The following DOHH variants were observed in gnomAD, a reference collection of about 807,000 sequenced individuals.
DOHH encodes the protein deoxyhypusine hydroxylase.
A neutral mutation model predicts 19.9 loss-of-function variants in DOHH; 16 were observed. That is an observed-to-expected ratio of 0.80 (90% confidence interval 0.54 to 1.22). The LOEUF (loss-of-function observed/expected upper bound fraction) is 1.22. Among genes scored for constraint, DOHH ranks in the 50% most tolerant of loss-of-function variants. DOHH has a pLI of 0.00. For synonymous variants in DOHH, 233 were observed against 217.0 expected (o/e 1.07, Z -0.65); for missense variants, 460 against 460.6 (o/e 1.00, Z 0.01).
chr19:3,492,349 C>T lies in DOHH; in HGVS notation c.502G>A (p.Glu168Lys), dbSNP rs536165069. The change falls in exon 4 of 5, where the codon GAG becomes AAG. Residue 168 changes from glutamate to lysine, a missense_variant. Physicochemically the swap from Glu to Lys is moderately conservative, Grantham distance 56. Coordinates refer to ENST00000427575, the MANE Select transcript of DOHH (RefSeq NM_001145165.2). Reference protein sequence around the residue: ...VGRLREALLDESRPLFERYRA... With the variant: ...VGRLREALLDKSRPLFERYRA... ...TATCGCTCGAAGAGCGGCCGGGACTCATCCAGCAGCGCCTCCCGCAGGCGC... is the reference window on the plus strand; with the variant it reads ...TATCGCTCGAAGAGCGGCCGGGACTTATCCAGCAGCGCCTCCCGCAGGCGC... 26 of 1,543,546 alleles carry T rather than the reference C, an allele frequency of 1.7e-5. 1 individual carries two copies. In the South Asian group the frequency reaches 2.4e-4, roughly 14 times the overall value.
In DOHH at chr19:3,490,992, A is replaced by C. The variant is rs924046684; in HGVS notation, c.*500T>G. The C allele has an allele frequency of 4.2e-5, 8 of 189,424 alleles. No homozygotes were observed. Among genetic ancestry groups the C allele is most frequent in the Non-Finnish European group, 7.6e-5 (7 of 92,654 alleles). The allele number at this position is 189,424 out of a possible 1,614,324, so 11.7% of individuals were successfully genotyped here. A position where few individuals can be genotyped will look rare whatever the true frequency, so the allele number is the denominator to read the frequency against. ...CAGACCCTGTGTCCCATTCCTAGTG[A>C]AGCTGAAGCCACCATAACGTCAGCC... On this transcript the variant is annotated 3_prime_UTR_variant, in exon 5 of 5. Transcript: ENST00000427575.
At position 3,491,379 on chromosome 19, in the gene DOHH, G is replaced by T; in HGVS notation, c.*113C>A. The T allele has an allele frequency of 1.7e-6, 2 of 1,182,606 alleles. No homozygotes were observed. Among genetic ancestry groups the T allele is most frequent in the Non-Finnish European group, 2.3e-6 (2 of 854,988 alleles). The allele number at this position is 1,182,606 out of a possible 1,614,324, so 73.3% of individuals were successfully genotyped here. On this transcript the variant is annotated 3_prime_UTR_variant, in exon 5 of 5. Transcript: ENST00000427575. The surrounding 1 kb of genome is among the most constrained non-coding windows in gnomAD (Gnocchi z 5.6). Reference sequence around the variant, plus strand: ...GAGGGGGACAGCAACCATGCGCCCAGCAAGACACAAGCGATGACACCGATT... The same window carrying T: ...GAGGGGGACAGCAACCATGCGCCCATCAAGACACAAGCGATGACACCGATT...
intron 2 of DOHH, among the ~76,000 whole-genome samples, chr19:3,495,080 C>T (rs1042249554): frequency 2.0e-5 from 3 of 151,980 alleles, no homozygotes; most frequent in Non-Finnish European, 4.4e-5. Flanking sequence ...TCAAGTGATT[C>T]TCCTGCCTCA....
At chr19:3,495,488 T>C (rs977822824) in intron 2 of DOHH, among the ~76,000 whole-genome samples, 2 of 152,234 alleles carry the variant, frequency 1.3e-5, no homozygotes, top group African/African-American at 4.8e-5. Context: ...TGACAGAGCC[T>C]GGCATACAGT....
chr19:3,491,682 T>A lies in DOHH; in HGVS notation c.719A>T (p.His240Leu). 1 of 1,532,792 alleles carries A rather than the reference T, an allele frequency of 6.5e-7. No homozygotes were observed. Among genetic ancestry groups the A allele is most frequent in the Non-Finnish European group, 8.7e-7 (1 of 1,142,960 alleles). 94.9% of individuals were successfully genotyped at this position (1,532,792 alleles called of 1,614,324 possible). ...ARCTENPMVRHECAEALGAIA... is the reference protein window; with the variant it reads ...ARCTENPMVRLECAEALGAIA... ...GGCGCCCAGGGCCTCCGCGCACTCG[T>A]GCCGCACCATGGGGTTCTCGGTGCA... Residue 240 changes from histidine (H) to leucine (L), a missense_variant, in exon 5 of 5, where the codon CAC becomes CTC. By Grantham distance (99) the His-to-Leu change is moderately conservative. Coordinates refer to ENST00000427575, the MANE Select transcript of DOHH (RefSeq NM_001145165.2). The surrounding 1 kb of genome is among the most constrained non-coding windows in gnomAD (Gnocchi z 5.6).
chr19:3,495,264 A>T (rs1250828193), intron 2 of DOHH, among the ~76,000 whole-genome samples: 3 of 152,152 alleles, frequency 2.0e-5, no homozygotes, highest in Non-Finnish European at 4.4e-5. Flanking sequence ...GGCGTGAGCC[A>T]ATGCACCCGA....
chr19:3,491,314 G>T lies in DOHH; in HGVS notation c.*178C>A, dbSNP rs897528044. 2 of 666,036 alleles carry T rather than the reference G, an allele frequency of 3.0e-6. No homozygotes were observed. The highest frequency in any genetic ancestry group is 3.0e-5 in the Admixed American group (1 of 32,798). The allele number at this position is 666,036 out of a possible 1,614,324, so 41.3% of individuals were successfully genotyped here. ...CCGAGGAGCAGTCAGGGGACTCAGG[G>T]AGTCACAGCACAACGGCAGCTCCTC... On this transcript the variant is annotated 3_prime_UTR_variant, in exon 5 of 5. Transcript: ENST00000427575. The surrounding 1 kb of genome is among the most constrained non-coding windows in gnomAD (Gnocchi z 5.6).
Position 3,491,615 on chromosome 19 carries a change from C to A in DOHH, c.786G>T (p.Ala262=). Residue 262 remains alanine (A), a synonymous_variant, in exon 5 of 5, where the codon GCG becomes GCT. Coordinates refer to ENST00000427575, the MANE Select transcript of DOHH (RefSeq NM_001145165.2). The surrounding 1 kb of genome is among the most constrained non-coding windows in gnomAD (Gnocchi z 5.6). ...CACGCACCACGCGCTCTGGGTCGTC[C>A]GCGTGAGCCTGCAGCGCGGCCAGGC... is the stretch of plus-strand genomic sequence containing the variant. ...PACLAALQAH[A]DDPERVVRES... 6.5e-7 allele frequency: 1 copy of A among 1,535,556 alleles called. No homozygotes were observed. Among genetic ancestry groups the A allele is most frequent in the East Asian group, 2.4e-5 (1 of 40,848 alleles).
rs144084448 is a variant in DOHH, at chr19:3,492,762, G to A, written c.352-263C>T. ...GGGAGGGAATCAGGTGGAGACCCGGGGATGGGGAAGCAGCGGTGGAAAGGC... is the reference window on the plus strand; with the variant it reads ...GGGAGGGAATCAGGTGGAGACCCGGAGATGGGGAAGCAGCGGTGGAAAGGC... On this transcript the variant is annotated intron_variant, in intron 3 of 4. Coordinates refer to ENST00000427575, the MANE Select transcript of DOHH (RefSeq NM_001145165.2). Among the ~76,000 whole-genome samples, 229 of 152,302 alleles carry A rather than the reference G, an allele frequency of 1.5e-3. 2 individuals are homozygous for A. Among genetic ancestry groups the A allele is most frequent in the African/African-American group, 5.3e-3 (221 of 41,574 alleles).
chr19:3,493,992 C>T (rs763657849), intron 3 of DOHH, 36 bp downstream of exon 3: 4 of 1,598,668 alleles, frequency 2.5e-6, no homozygotes, highest in East Asian at 2.2e-5. Flanking sequence ...CCCAGGGACC[C>T]GAGACTGGCA....
rs1301961378 is a variant in DOHH, at chr19:3,491,966, G to A, written c.590-155C>T. Among the ~76,000 whole-genome samples, 1 of 152,158 alleles carries A rather than the reference G, an allele frequency of 6.6e-6. No individual in the cohort carries two copies. The highest frequency in any genetic ancestry group is 1.5e-5 in the Non-Finnish European group (1 of 68,010). ...CTCCCAAAGTGCTGGGACGACAGGC[G>A]TGAGCCACCACGCCCAACCTGGGGT... is the stretch of plus-strand genomic sequence containing the variant. On this transcript the variant is annotated intron_variant, in intron 4 of 4. Transcript: ENST00000427575. This position sits in a 1 kb window ranked among gnomAD's most constrained non-coding sequence, Gnocchi z 5.6.
chr19:3,491,509 G>A lies in DOHH; in HGVS notation c.892C>T (p.Arg298Cys), dbSNP rs1243430940. 2.0e-6 allele frequency: 3 copies of A among 1,534,486 alleles called. No homozygotes were observed. The highest frequency in any genetic ancestry group is 2.0e-5 in the Admixed American group (1 of 50,856). Residue 298 changes from arginine (R) to cysteine (C), a missense_variant, in exon 5 of 5, where the codon CGC (arginine) becomes TGC (cysteine). By Grantham distance (180) the Arg-to-Cys change is radical. Coordinates refer to ENST00000427575, the MANE Select transcript of DOHH (RefSeq NM_001145165.2). This position sits in a 1 kb window ranked among gnomAD's most constrained non-coding sequence, Gnocchi z 5.6. The part of the protein sequence containing the change: ...FQYADGLEQL[R>C]GAPS ...GTGGGGCCCTAGGAGGGGGCCCCGCGCAGCTGCTCCAGGCCGTCCGCGTAC... is the reference window on the plus strand; with the variant it reads ...GTGGGGCCCTAGGAGGGGGCCCCGCACAGCTGCTCCAGGCCGTCCGCGTAC...
chr19:3,492,545 C>T, intron 3 of DOHH, 46 bp from the exon 4 acceptor site: 1 of 1,330,018 alleles, frequency 7.5e-7, no homozygotes, highest in Non-Finnish European at 9.6e-7. Flanking sequence ...TGGGGGGTCG[C>T]AGGGGCCCTT....
At position 3,492,377 on chromosome 19, in the gene DOHH, C is replaced by A; in HGVS notation, c.474G>T (p.Val158=). ...DPAPPAEERD[V]GRLREALLDE... is the part of the protein sequence containing the mutation. The stretch of plus-strand genomic sequence containing the variant: ...CCAGCAGCGCCTCCCGCAGGCGCCC[C>A]ACGTCACGCTCCTCAGCCGGCGGGG... Residue 158 remains valine (V), a synonymous_variant, in exon 4 of 5, where the codon GTG becomes GTT. Transcript: ENST00000427575. 1 of 1,538,524 alleles carries A rather than the reference C, an allele frequency of 6.5e-7. No individual in the cohort carries two copies. Among genetic ancestry groups the A allele is most frequent in the Non-Finnish European group, 8.7e-7 (1 of 1,149,436 alleles).
chr19:3,495,547 A>G (rs1184753302), intron 2 of DOHH, among the ~76,000 whole-genome samples: 1 of 152,216 alleles, frequency 6.6e-6, no homozygotes, highest in East Asian at 1.9e-4. Context: ...TCTAATATAC[A>G]TTAGGGATTG....
rs1015003548 is a variant in DOHH at position 3,496,829 on chromosome 19, G to A, written c.-15C>T. ...TCCGTCACCATCGTGCTGTCAATGG[G>A]TCCCGGCCTTCCACAACCCTGCTCA... On this transcript the variant is annotated 5_prime_UTR_variant, in exon 2 of 5. Coordinates refer to ENST00000427575, the MANE Select transcript of DOHH (RefSeq NM_001145165.2). The surrounding 1 kb of genome is among the most constrained non-coding windows in gnomAD (Gnocchi z 4.8). The A allele has an allele frequency of 7.2e-5, 112 of 1,546,634 alleles. No homozygotes were observed. The highest frequency in any genetic ancestry group is 9.6e-5 in the Non-Finnish European group (110 of 1,149,208).
intron 2 of DOHH, among the ~76,000 whole-genome samples, chr19:3,495,429 A>T (rs1450423493): frequency 6.6e-6 from 1 of 152,222 alleles, no homozygotes; most frequent in Admixed American, 6.5e-5. Context: ...CGCGTGAGCC[A>T]CGATGCCCGG....
Position 3,496,728 on chromosome 19 carries a change from G to C in DOHH, c.87C>G (p.Phe29Leu), listed in dbSNP as rs775380231. The change falls in exon 2 of 5, where the codon TTC (phenylalanine) becomes TTG (leucine). Residue 29 changes from phenylalanine to leucine, a missense_variant. Transcript: ENST00000427575. This position sits in a 1 kb window ranked among gnomAD's most constrained non-coding sequence, Gnocchi z 4.8. ...QPLQARFRAL[F>L]TLRGLGGPGA... ...CTGGGCCGCCGAGCCCACGCAGCGT[G>C]AACAGCGCCCGGAAGCGGGCCTGCA... The C allele has an allele frequency of 6.2e-7, 1 of 1,612,638 alleles. No individual in the cohort carries two copies. The highest frequency in any genetic ancestry group is 1.3e-5 in the African/African-American group (1 of 74,954).
rs903836201 is a variant in DOHH, at chr19:3,492,360, G to A, written c.491C>T (p.Ala164Val). 10 of 1,542,126 alleles carry A rather than the reference G, an allele frequency of 6.5e-6. No individual in the cohort carries two copies. The highest frequency in any genetic ancestry group is 2.4e-5 in the South Asian group (2 of 84,212). Residue 164 changes from alanine to valine, a missense_variant, in exon 4 of 5, where the codon GCG (alanine) becomes GTG (valine). Coordinates refer to ENST00000427575, the MANE Select transcript of DOHH (RefSeq NM_001145165.2). The stretch of plus-strand genomic sequence containing the variant: ...GAGCGGCCGGGACTCATCCAGCAGC[G>A]CCTCCCGCAGGCGCCCCACGTCACG... ...EERDVGRLRE[A>V]LLDESRPLFE...
Sources: allele counts gnomAD v4.1 joint callset (sites outside exome capture counted in the v4.1 genomes callset), GRCh38; gene constraint gnomAD v4.1.1; non-coding constraint Gnocchi (gnomAD v3.1); transcripts MANE v1.5; gene names NCBI Gene and HGNC (gene_info 2026-07-23, HGNC 2026-07-21).